FRMPD4: variants seen among roughly 807,000 people sequenced by gnomAD.
FRMPD4 encodes the protein FERM and PDZ domain containing 4.
A neutral mutation model predicts 94.1 loss-of-function variants in FRMPD4; 22 were observed. The ratio of observed to expected loss-of-function variants is 0.23; its 90% confidence interval spans 0.17 to 0.33. The LOEUF (loss-of-function observed/expected upper bound fraction) is 0.33, where lower values mean the gene tolerates loss of function less well. Among genes scored for constraint, FRMPD4 ranks in the 10% least tolerant of loss-of-function variants. The probability of loss-of-function intolerance (pLI) is 1.00; values close to 1 mark genes in which losing one functional copy is unlikely to be tolerated. For synonymous variants in FRMPD4, 631 were observed against 548.6 expected, an observed-to-expected ratio of 1.15 and a Z score of -2.10; for missense variants, 1,111 against 1,339.9, an observed-to-expected ratio of 0.83 and a Z score of 2.67.
At chrX:12,090,181 G>A (rs1256043386) in intron 3 of FRMPD4, among the ~76,000 whole-genome samples, 1 of 110,989 alleles carries the variant, frequency 9.0e-6, no homozygotes, top group African/African-American at 3.3e-5. Context: ...ATTGAATCTT[G>A]GGGGTGGATT....
At chrX:12,120,607 A>T (rs943394435) in intron 3 of FRMPD4, among the ~76,000 whole-genome samples, 3 of 112,122 alleles carry the variant, frequency 2.7e-5, no homozygotes, top group African/African-American at 6.5e-5. Flanking sequence ...TGGACTAAGT[A>T]GACATTTCAA....
chrX:12,092,665 C>T (rs1424228175), intron 3 of FRMPD4, among the ~76,000 whole-genome samples: 9 of 111,763 alleles, frequency 8.1e-5, no homozygotes, highest in African/African-American at 2.9e-4. Context: ...TGCCAAACCT[C>T]ATTCCCATTC....
chrX:12,308,674 A>C (rs1275035499), intron 1 of FRMPD4, among the ~76,000 whole-genome samples: 1 of 111,748 alleles, frequency 8.9e-6, no homozygotes, highest in Non-Finnish European at 1.9e-5. Context: ...TTTCACAGAA[A>C]GGCAACAGGC....
chrX:11,853,011 A>G (rs980603007), intron 1 of FRMPD4, among the ~76,000 whole-genome samples: 3 of 111,991 alleles, frequency 2.7e-5, no homozygotes, highest in African/African-American at 9.7e-5. Context: ...GAAGTAAAAC[A>G]CTCCTTAGCA....
chrX:12,020,006 T>C (rs755346835), intron 3 of FRMPD4, among the ~76,000 whole-genome samples: 1 of 112,061 alleles, frequency 8.9e-6, no homozygotes, highest in Admixed American at 9.4e-5. Context: ...AGAAAATAAG[T>C]AACTTTCCCA....
At chrX:11,902,481 C>T (rs1292875162) in intron 3 of FRMPD4, among the ~76,000 whole-genome samples, 1 of 111,651 alleles carries the variant, frequency 9.0e-6, no homozygotes, top group Non-Finnish European at 1.9e-5. Context: ...TCTGGTCCCT[C>T]GTCTTCTTCT....
intron 9 of FRMPD4, among the ~76,000 whole-genome samples, chrX:12,697,861 T>C (rs1030855001): frequency 8.9e-5 from 10 of 112,065 alleles, no homozygotes; most frequent in Non-Finnish European, 1.7e-4. Flanking sequence ...AAAACAGGTA[T>C]GGTAGGCAAT....
intron 1 of FRMPD4, among the ~76,000 whole-genome samples, chrX:12,479,409 T>TATATACATATATACAC (rs2057647735): frequency 2.8e-5 from 2 of 70,378 alleles, no homozygotes; most frequent in Admixed American, 3.7e-4. Flanking sequence ...TATACACATA[T>TATATACATATATACAC]ATATACATAT....
At chrX:11,916,465 C>T (rs1249850647) in intron 3 of FRMPD4, among the ~76,000 whole-genome samples, 1 of 111,049 alleles carries the variant, frequency 9.0e-6, no homozygotes. Context: ...AAATCTTGAA[C>T]TCAGGCTGAG....
chrX:12,341,477 G>C (rs1236291430), intron 1 of FRMPD4: 1 of 165,031 alleles, frequency 6.1e-6, no homozygotes, highest in African/African-American at 3.0e-5. Context: ...CCAAACTATT[G>C]TTATTGTTGC....
At chrX:12,370,574 T>C (rs759452509) in intron 1 of FRMPD4, among the ~76,000 whole-genome samples, 208 of 112,159 alleles carry the variant, frequency 1.9e-3, no homozygotes, top group African/African-American at 6.5e-3. Context: ...AGTGTCTCTC[T>C]CCAAGATTCA....
At chrX:12,665,482 A>T (rs1370843223) in intron 4 of FRMPD4, among the ~76,000 whole-genome samples, 1 of 110,500 alleles carries the variant, frequency 9.0e-6, no homozygotes, top group Non-Finnish European at 1.9e-5. Flanking sequence ...GTGCCACTGC[A>T]CTCCAGCCTG....
intron 3 of FRMPD4, among the ~76,000 whole-genome samples, chrX:12,115,619 C>T (rs2055401716): frequency 1.3e-5 from 1 of 78,642 alleles, no homozygotes; most frequent in African/African-American, 4.7e-5. Context: ...GAGTATCCCC[C>T]AATGCTGGCC....
intron 3 of FRMPD4, among the ~76,000 whole-genome samples, chrX:12,103,288 T>C (rs1047486275): frequency 2.7e-5 from 3 of 112,397 alleles, no homozygotes; most frequent in African/African-American, 9.7e-5. Flanking sequence ...AGATGGTTAT[T>C]GTTATTATGA....
chrX:12,063,915 T>C (rs1004973163), intron 3 of FRMPD4, among the ~76,000 whole-genome samples: 1 of 112,809 alleles, frequency 8.9e-6, no homozygotes, highest in Non-Finnish European at 1.9e-5. Context: ...GTGTCATGTA[T>C]AGAGAAAAAC....
chrX:12,043,951 T>TTACC (rs2054772017), intron 3 of FRMPD4, among the ~76,000 whole-genome samples: 1 of 111,796 alleles, frequency 8.9e-6, no homozygotes, highest in Non-Finnish European at 1.9e-5. Flanking sequence ...AAAATATAGT[T>TTACC]TATTCTTCAT....
intron 3 of FRMPD4, among the ~76,000 whole-genome samples, chrX:12,026,647 T>C: frequency 8.9e-6 from 1 of 112,318 alleles, no homozygotes; most frequent in Non-Finnish European, 1.9e-5. Flanking sequence ...TTGTTCTCTT[T>C]CCTTCCTTAA....
intron 2 of FRMPD4, among the ~76,000 whole-genome samples, chrX:12,604,121 AG>A (rs1309811261): frequency 3.7e-5 from 4 of 108,969 alleles, no homozygotes; most frequent in Admixed American, 2.0e-4. Context: ...ATTTGGGTAG[AG>A]GAAAAAAAAA....
chrX:12,007,466 C>T (rs2054559773), intron 3 of FRMPD4, among the ~76,000 whole-genome samples: 1 of 112,009 alleles, frequency 8.9e-6, no homozygotes, highest in South Asian at 3.8e-4. Context: ...CCATGGCTTC[C>T]CTAAGAGCCA....
Sources: gnomAD v4.1 joint callset for allele counts (sites outside exome capture counted in the v4.1 genomes callset) on GRCh38, gnomAD v4.1.1 for gene constraint, MANE v1.5 for transcripts, NCBI Gene and HGNC (gene_info 2026-07-23, HGNC 2026-07-21) for gene names.